Variants in IRF4 observed in about 807,000 individuals in gnomAD.
The protein encoded by IRF4 is interferon regulatory factor 4, also known as lymphocyte-specific interferon regulatory factor.
Under a neutral mutation model 55.5 loss-of-function variants are expected in IRF4, and 13 were observed. The observed-to-expected ratio is 0.23, with a 90% CI of 0.15 to 0.37. The LOEUF (loss-of-function observed/expected upper bound fraction) is 0.37. Ranked by LOEUF, IRF4 falls within the 10% of genes least tolerant of loss-of-function variation. The probability of loss-of-function intolerance (pLI) is 1.00; values close to 1 mark genes in which losing one functional copy is unlikely to be tolerated. For missense variants in IRF4, 397 were observed against 593.8 expected (o/e 0.67, Z 3.44); for synonymous variants, 249 against 240.7 (o/e 1.03, Z -0.32).
rs1048404889 is a variant in IRF4 at position 408,142 on chromosome 6, T to C, written c.*544T>C. ...ACAGAGAAAACTTGCCTTTCAGTAT[T>C]GACACTGACTAGAGTGATGACTGCT... is the stretch of plus-strand genomic sequence containing the variant. On this transcript the variant is annotated 3_prime_UTR_variant, in exon 9 of 9. Coordinates refer to ENST00000380956, the MANE Select transcript of IRF4 (RefSeq NM_002460.4). 2.9e-5 allele frequency: 7 copies of C among 240,136 alleles called. No individual in the cohort carries two copies. In the Admixed American group the frequency reaches 3.3e-4, roughly 11 times the overall value. The allele number at this position is 240,136 out of a possible 1,614,324, so 14.9% of individuals were successfully genotyped here.
intron 7 of IRF4, among the ~76,000 whole-genome samples, chr6:403,763 T>C (rs1300716336): frequency 6.6e-6 from 1 of 152,210 alleles, no homozygotes; most frequent in African/African-American, 2.4e-5. Context: ...ACTGCAGCTG[T>C]GCCAACCAGC....
rs763107678 is a variant in IRF4 at position 397,089 on chromosome 6, C to T, written c.493-19C>T. 7 of 1,613,568 alleles carry T rather than the reference C, an allele frequency of 4.3e-6. No individual in the cohort carries two copies. The highest frequency in any genetic ancestry group is 5.9e-6 in the Non-Finnish European group (7 of 1,179,710). The stretch of plus-strand genomic sequence containing the variant: ...CAATGCCAGTGCTTCTTATCTCAGC[C>T]TCTCCTGCACTCCTTTAGCAGGTTC... On this transcript the variant is annotated intron_variant, in intron 4 of 8. Coordinates refer to ENST00000380956, the MANE Select transcript of IRF4 (RefSeq NM_002460.4).
Position 393,119 on chromosome 6 carries a change from G to A in IRF4, c.-34G>A. The stretch of plus-strand genomic sequence containing the variant: ...GCAGTGCAGAGCAGAGCGGGCGGAG[G>A]ACCCCGGGCGCGGGCGCGGACGGCA... On this transcript the variant is annotated 5_prime_UTR_variant, in exon 2 of 9. Transcript: ENST00000380956. This position sits in a 1 kb window ranked among gnomAD's most constrained non-coding sequence, Gnocchi z 5.4. 1.3e-6 allele frequency: 2 copies of A among 1,539,298 alleles called. No individual in the cohort carries two copies. The highest frequency in any genetic ancestry group is 1.2e-5 in the South Asian group (1 of 82,874).
intron 7 of IRF4, among the ~76,000 whole-genome samples, chr6:404,515 G>C (rs546789603): frequency 1.3e-5 from 2 of 152,364 alleles, no homozygotes; most frequent in South Asian, 4.1e-4. Flanking sequence ...CATATTTTCT[G>C]TGGTGCCTGA....
intron 1 of IRF4, among the ~76,000 whole-genome samples, chr6:392,183 G>A (rs1761120513): frequency 6.6e-6 from 1 of 152,246 alleles, no homozygotes; most frequent in Non-Finnish European, 1.5e-5. Flanking sequence ...AACAGGCCCG[G>A]CCCTGTGGAC....
chr6:392,740 T>A (rs918954132), intron 1 of IRF4, among the ~76,000 whole-genome samples: 2 of 151,936 alleles, frequency 1.3e-5, no homozygotes, highest in Non-Finnish European at 1.5e-5. Flanking sequence ...AAGCGAGAGC[T>A]GCGAGTGAGT....
At position 395,017 on chromosome 6, in the gene IRF4, C is replaced by T; in HGVS notation, c.403+10C>T. ...GAGGGAGCCAAAAAAGGTAGGGGCTCTCCTGAATTTGGGTCACCTAACAGA... is the reference window on the plus strand; with the variant it reads ...GAGGGAGCCAAAAAAGGTAGGGGCTTTCCTGAATTTGGGTCACCTAACAGA... On this transcript the variant is annotated intron_variant, in intron 3 of 8. Transcript: ENST00000380956. The T allele has an allele frequency of 1.3e-6, 2 of 1,578,710 alleles. No individual in the cohort carries two copies. Among genetic ancestry groups the T allele is most frequent in the Non-Finnish European group, 1.7e-6 (2 of 1,161,372 alleles).
rs1761171198 is a variant in IRF4 at position 393,408 on chromosome 6, G to A, written c.216+40G>A. 11 of 1,460,024 alleles carry A rather than the reference G, an allele frequency of 7.5e-6. No homozygotes were observed. In the Middle Eastern group the frequency reaches 6.5e-4, roughly 87 times the overall value. 90.4% of individuals were successfully genotyped at this position (1,460,024 alleles called of 1,614,324 possible). A position where few individuals can be genotyped will look rare whatever the true frequency, so the allele number is the denominator to read the frequency against. On this transcript the variant is annotated intron_variant, in intron 2 of 8. Coordinates refer to ENST00000380956, the MANE Select transcript of IRF4 (RefSeq NM_002460.4). The surrounding 1 kb of genome is among the most constrained non-coding windows in gnomAD (Gnocchi z 5.4). ...GAGCCGGCGGGGGCGCGCCGGGGAG[G>A]GCCCAGAGACAGAGCCCGGGGTCCC... is the stretch of plus-strand genomic sequence containing the variant.
At chr6:396,628 G>T (rs1761267875) in intron 4 of IRF4, among the ~76,000 whole-genome samples, 1 of 70,940 alleles carries the variant, frequency 1.4e-5, no homozygotes, top group African/African-American at 4.5e-5. Context: ...AGCCTCTCCT[G>T]CACTCCTTTA....
rs547101332 is a variant in IRF4, at chr6:410,132, G to A, written c.*2534G>A. 3.1e-5 allele frequency: 7 copies of A among 228,210 alleles called. No homozygotes were observed. The South Asian group carries it at 7.3e-4, about 24-fold the overall frequency. The allele number at this position is 228,210 out of a possible 1,614,324, so 14.1% of individuals were successfully genotyped here. ...TCCTCATTCCTTGTCTTGATAAAGT[G>A]GAATTGGCAAACTAGAATTTAGTTT... On this transcript the variant is annotated 3_prime_UTR_variant, in exon 9 of 9. Coordinates refer to ENST00000380956, the MANE Select transcript of IRF4 (RefSeq NM_002460.4).
At chr6:396,527 A>G (rs1761262899) in intron 4 of IRF4, among the ~76,000 whole-genome samples, 1 of 152,112 alleles carries the variant, frequency 6.6e-6, no homozygotes, top group African/African-American at 2.4e-5. Flanking sequence ...TGGAGGCTGT[A>G]AGAGCACCCC....
At chr6:392,704 G>C (rs2127435749) in intron 1 of IRF4, among the ~76,000 whole-genome samples, 1 of 152,238 alleles carries the variant, frequency 6.6e-6, no homozygotes, top group African/African-American at 2.4e-5. Flanking sequence ...GAAGGGGCGA[G>C]AAGCGGGTTG....
At position 395,864 on chromosome 6, in the gene IRF4, C is replaced by G. The variant is rs11557493; in HGVS notation, c.421C>G (p.Leu141Val). Residue 141 changes from leucine (L) to valine (V), a missense_variant, in exon 4 of 9, where the codon CTG becomes GTG. Physicochemically the swap from Leu to Val is conservative, Grantham distance 32. Transcript: ENST00000380956. ...ACATGTAGGAGCCAAGCAGCTCACC[C>G]TGGAGGACCCGCAGATGTCCATGAG... ...GAKKGAKQLTLEDPQMSMSHP... is the reference protein window; with the variant it reads ...GAKKGAKQLTVEDPQMSMSHP... The G allele has an allele frequency of 1.7e-5, 28 of 1,613,720 alleles. No individual in the cohort carries two copies. The South Asian group carries it at 2.7e-4, about 16-fold the overall frequency.
intron 6 of IRF4, among the ~76,000 whole-genome samples, chr6:400,175 A>G (rs886144026): frequency 1.3e-5 from 2 of 152,290 alleles, no homozygotes; most frequent in East Asian, 3.9e-4. Context: ...CCTGCTGTTG[A>G]GGAATAAGAT....
Position 401,418 on chromosome 6 carries a change from T to G in IRF4, c.746-6T>G. On this transcript the variant is annotated splice_region_variant and splice_polypyrimidine_tract_variant and intron_variant, in intron 6 of 8. Transcript: ENST00000380956. ...CAGCACTGACTCCGGAGCTCTGTGT[T>G]TGCAGACTGCCGGCTGCACATCTGC... 6.2e-7 allele frequency: 1 copy of G among 1,608,294 alleles called. No individual in the cohort carries two copies. The highest frequency in any genetic ancestry group is 8.5e-7 in the Non-Finnish European group (1 of 1,177,762).
chr6:405,507 C>T (rs2127442096), intron 8 of IRF4, among the ~76,000 whole-genome samples: 1 of 152,322 alleles, frequency 6.6e-6, no homozygotes, highest in East Asian at 1.9e-4. Flanking sequence ...TGCTATCTAG[C>T]TAGTGGATCT....
rs1208404513 is a variant in IRF4 at position 408,997 on chromosome 6, AAAGTACAGCAGTAGAC to A, written c.*1400_*1415del. 3.1e-5 allele frequency: 7 copies of A among 224,704 alleles called. No homozygotes were observed. The highest frequency in any genetic ancestry group is 6.2e-5 in the Non-Finnish European group (7 of 112,664). The allele number at this position is 224,704 out of a possible 1,614,324, so 13.9% of individuals were successfully genotyped here. A position where few individuals can be genotyped will look rare whatever the true frequency, so the allele number is the denominator to read the frequency against. ...TCACTTACATTTTTGTGGTTTTGAG[AAAGTACAGCAGTAGAC>A]TGGGGCGTCACCTCCAGGCCGTTTC... On this transcript the variant is annotated 3_prime_UTR_variant, in exon 9 of 9. Coordinates refer to ENST00000380956, the MANE Select transcript of IRF4 (RefSeq NM_002460.4).
chr6:401,935 G>A, intron 7 of IRF4, 158 bp downstream of exon 7: 1 of 629,280 alleles, frequency 1.6e-6, no homozygotes, highest in Non-Finnish European at 2.8e-6. Flanking sequence ...GAGATCTTCT[G>A]TCTGGCTCTG....
chr6:400,169 C>T (rs1191666263), intron 6 of IRF4, among the ~76,000 whole-genome samples: 1 of 152,078 alleles, frequency 6.6e-6, no homozygotes, highest in African/African-American at 2.4e-5. Flanking sequence ...TCAAAACCTG[C>T]TGTTGAGGAA....
Sources: gnomAD v4.1 joint callset for allele counts (sites outside exome capture counted in the v4.1 genomes callset) on GRCh38, gnomAD v4.1.1 for gene constraint, Gnocchi (gnomAD v3.1) non-coding constraint, MANE v1.5 for transcripts, NCBI Gene and HGNC (gene_info 2026-07-23, HGNC 2026-07-21) for gene names.